The following CBLN2 variants were observed in gnomAD, a reference collection of about 807,000 sequenced individuals.
CBLN2 encodes cerebellin 2 precursor.
A neutral mutation model predicts 15.0 loss-of-function variants in CBLN2; 7 were observed. That is an observed-to-expected ratio of 0.47 (90% CI 0.27 to 0.88). The LOEUF is 0.88. CBLN2 is among the 40% of genes least tolerant of loss of function. The pLI is 0.14. For synonymous variants in CBLN2, 149 were observed against 135.2 expected (o/e 1.10, Z -0.71); for missense variants, 242 against 304.5 (o/e 0.79, Z 1.53).
Position 72,538,327 on chromosome 18 carries a change from C to T in CBLN2, c.524G>A (p.Gly175Glu). The change falls in exon 5 of 5, where the codon GGA (glycine) becomes GAA (glutamate). Residue 175 changes from glycine (G) to glutamate (E), a missense_variant. Physicochemically the swap from Gly to Glu is moderately conservative, Grantham distance 98. Around this residue, in one of 4 missense-constraint regions of CBLN2, gnomAD observed 26 missense variants for 70.3 expected, o/e 0.37. Coordinates refer to ENST00000269503, the MANE Select transcript of CBLN2 (RefSeq NM_182511.4). ...NGYPVISAFA[G>E]DQDVTREAAS... ...AGCTTCTCTGGTGACATCCTGGTCT[C>T]CTGCAAAGGCCGAGATCACTGGGTA... 6.2e-7 allele frequency: 1 copy of T among 1,614,174 alleles called. No individual in the cohort carries two copies. Among genetic ancestry groups the T allele is most frequent in the Non-Finnish European group, 8.5e-7 (1 of 1,180,044 alleles).
At chr18:72,564,167 A>G (rs933314800) in intron 1 of CBLN2, among the ~76,000 whole-genome samples, 3 of 152,160 alleles carry the variant, frequency 2.0e-5, no homozygotes, top group African/African-American at 7.2e-5. Context: ...ACATGATACC[A>G]CAAAAGAAAC....
intron 1 of CBLN2, among the ~76,000 whole-genome samples, chr18:72,590,120 C>G (rs1177598299): frequency 6.6e-6 from 1 of 152,162 alleles, no homozygotes; most frequent in African/African-American, 2.4e-5. Context: ...AAAAAATTAG[C>G]CGGGCATGGT....
At chr18:72,551,503 AG>A (rs1349894459) in intron 1 of CBLN2, among the ~76,000 whole-genome samples, 3 of 152,190 alleles carry the variant, frequency 2.0e-5, no homozygotes, top group Admixed American at 1.3e-4. Flanking sequence ...CGACAGAATT[AG>A]GTGGACTAAA....
intron 3 of CBLN2, 136 bp from the exon 4 acceptor site, chr18:72,538,908 G>A: frequency 1.8e-6 from 2 of 1,120,054 alleles, no homozygotes; most frequent in African/African-American, 1.6e-5. Context: ...TCAGCATTCT[G>A]GCTTCCCCAG....
At position 72,592,205 on chromosome 18, in the gene CBLN2, A is replaced by G. The variant is rs899049997; in HGVS notation, c.15+46120T>C. Among the ~76,000 whole-genome samples the G allele has an allele frequency of 5.9e-5, 9 of 152,020 alleles. 1 individual carries two copies. Among genetic ancestry groups the G allele is most frequent in the Admixed American group, 5.9e-4 (9 of 15,262 alleles). The stretch of plus-strand genomic sequence containing the variant: ...GACATAAGCCATTTTAACTGGGGAG[A>G]GATGATATCTCATTGTAGTTTTTGT... On this transcript the variant is annotated intron_variant, in intron 1 of 2. Transcript: ENST00000581073.
intron 1 of CBLN2, among the ~76,000 whole-genome samples, chr18:72,611,331 G>A (rs747571623): frequency 2.6e-5 from 4 of 152,072 alleles, no homozygotes; most frequent in Non-Finnish European, 4.4e-5. Context: ...TGCTTTCAAC[G>A]TGGTCTGAAC....
chr18:72,581,010 C>T (rs539162740), intron 1 of CBLN2, among the ~76,000 whole-genome samples: 71 of 152,288 alleles, frequency 4.7e-4, no homozygotes, highest in Admixed American at 9.2e-4. Context: ...TGATATCTGA[C>T]CACGTTTTAT....
At chr18:72,587,432 T>C (rs566150971) in intron 1 of CBLN2, among the ~76,000 whole-genome samples, 1 of 152,254 alleles carries the variant, frequency 6.6e-6, no homozygotes, top group Non-Finnish European at 1.5e-5. Flanking sequence ...ATTCTTTTTA[T>C]GTATATGTTC....
At chr18:72,615,697 G>A (rs755443390) in intron 1 of CBLN2, among the ~76,000 whole-genome samples, 3 of 152,046 alleles carry the variant, frequency 2.0e-5, no homozygotes, top group Non-Finnish European at 2.9e-5. Context: ...CATTTGTTTT[G>A]TTTTTTATGA....
chr18:72,611,311 A>G (rs184202928), intron 1 of CBLN2, among the ~76,000 whole-genome samples: 2 of 152,268 alleles, frequency 1.3e-5, no homozygotes, highest in East Asian at 3.9e-4. Context: ...TATTTGAGAA[A>G]TCTCCAAAAT....
At chr18:72,578,201 A>C (rs1206426697) in intron 1 of CBLN2, among the ~76,000 whole-genome samples, 2 of 152,192 alleles carry the variant, frequency 1.3e-5, no homozygotes, top group Non-Finnish European at 2.9e-5. Flanking sequence ...AAGTGTTTAA[A>C]ATTTAATTAG....
At chr18:72,604,565 C>G (rs1044233048) in intron 1 of CBLN2, among the ~76,000 whole-genome samples, 1 of 152,164 alleles carries the variant, frequency 6.6e-6, no homozygotes, top group Non-Finnish European at 1.5e-5. Context: ...ATTTAATACC[C>G]AATGTGGCAG....
chr18:72,623,946 C>T (rs796086913), intron 1 of CBLN2, among the ~76,000 whole-genome samples: 3 of 152,272 alleles, frequency 2.0e-5, no homozygotes, highest in African/African-American at 7.2e-5. Context: ...ATGTAAATAA[C>T]TTGCTCTCTG....
chr18:72,617,298 G>A (rs187294962), intron 1 of CBLN2, among the ~76,000 whole-genome samples: 7 of 152,050 alleles, frequency 4.6e-5, no homozygotes, highest in South Asian at 4.1e-4. Context: ...TATGCTCTCC[G>A]TAAACTTATA....
chr18:72,589,877 A>G (rs571408665), intron 1 of CBLN2, among the ~76,000 whole-genome samples: 41 of 152,358 alleles, frequency 2.7e-4, no homozygotes, highest in Admixed American at 2.6e-3. Flanking sequence ...TCACGCCTAT[A>G]ATCCCAGCAC....
chr18:72,636,051 T>A (rs2069810228), intron 1 of CBLN2, among the ~76,000 whole-genome samples: 1 of 152,176 alleles, frequency 6.6e-6, no homozygotes, highest in Non-Finnish European at 1.5e-5. Context: ...AAATCACCCT[T>A]TTCTTCATTT....
chr18:72,584,191 G>A (rs1047369056), intron 1 of CBLN2, among the ~76,000 whole-genome samples: 2 of 152,002 alleles, frequency 1.3e-5, no homozygotes, highest in Non-Finnish European at 2.9e-5. Context: ...TCAGGTCTCA[G>A]TTCAAAAGCC....
intron 1 of CBLN2, among the ~76,000 whole-genome samples, chr18:72,560,694 C>A (rs1275253762): frequency 6.6e-6 from 1 of 152,160 alleles, no homozygotes; most frequent in Non-Finnish European, 1.5e-5. Context: ...ATTCCAAAGG[C>A]TTACATTGGT....
At chr18:72,618,730 C>A in intron 1 of CBLN2, 1 of 719,034 alleles carries the variant, frequency 1.4e-6, no homozygotes, top group Non-Finnish European at 2.5e-6. Flanking sequence ...CTTTGATGAC[C>A]ATGACTCCGT....
Sources: allele counts gnomAD v4.1 joint callset (sites outside exome capture counted in the v4.1 genomes callset), GRCh38; gene constraint gnomAD v4.1.1; regional missense constraint gnomAD v4.1.1; transcripts MANE v1.5; gene names NCBI Gene and HGNC (gene_info 2026-07-23, HGNC 2026-07-21).